Variants in RERE observed in about 807,000 individuals in gnomAD.
The protein encoded by RERE is arginine-glutamic acid dipeptide repeats protein.
Under a neutral mutation model 146.1 loss-of-function variants are expected in RERE, and 40 were observed. The observed-to-expected ratio is 0.27, with a 90% confidence interval of 0.21 to 0.36. The LOEUF is 0.36. Among genes scored for constraint, RERE ranks in the 10% least tolerant of loss-of-function variants. The pLI is 1.00. For missense variants in RERE, 1,933 were observed against 2,138.7 expected, an observed-to-expected ratio of 0.90 and a Z score of 1.90; for synonymous variants, 1,003 against 866.0, an observed-to-expected ratio of 1.16 and a Z score of -2.78.
chr1:8,744,458 C>A (rs1640379548), intron 1 of RERE, among the ~76,000 whole-genome samples: 1 of 152,178 alleles, frequency 6.6e-6, no homozygotes, highest in African/African-American at 2.4e-5. Context: ...TTCACAAACA[C>A]TGTATTAGCT....
chr1:8,545,982 CTTTT>C (rs3050828), intron 6 of RERE, among the ~76,000 whole-genome samples: 758 of 69,456 alleles, frequency 0.011, 5 homozygotes, highest in African/African-American at 0.044. Context: ...CATACCCAGT[CTTTT>C]TTTTTTTTTT....
chr1:8,542,591 G>T (rs577411771), intron 6 of RERE, among the ~76,000 whole-genome samples: 1 of 152,166 alleles, frequency 6.6e-6, no homozygotes, highest in Admixed American at 6.5e-5. Flanking sequence ...GGGAGGCTAC[G>T]ACAGGAGGAT....
chr1:8,608,796 A>C (rs1345122306), intron 4 of RERE, among the ~76,000 whole-genome samples: 1 of 152,228 alleles, frequency 6.6e-6, no homozygotes, highest in Non-Finnish European at 1.5e-5. Flanking sequence ...CAGTCTTAAG[A>C]ATAAATTGAC....
intron 11 of RERE, among the ~76,000 whole-genome samples, chr1:8,433,548 CA>C (rs1245184659): frequency 2.2e-5 from 3 of 136,298 alleles, no homozygotes; most frequent in African/African-American, 8.5e-5. Context: ...ACAGTCCATT[CA>C]TTTCTTTTTT....
chr1:8,795,751 G>A (rs1641457629), intron 1 of RERE, among the ~76,000 whole-genome samples: 3 of 152,248 alleles, frequency 2.0e-5, no homozygotes, highest in East Asian at 1.9e-4. Flanking sequence ...GGGAGGCCAA[G>A]GCCGGCAGAT....
intron 1 of RERE, among the ~76,000 whole-genome samples, chr1:8,766,196 A>G (rs968028223): frequency 8.2e-4 from 125 of 152,332 alleles, no homozygotes; most frequent in African/African-American, 3.0e-3. Flanking sequence ...TTTGTTAGAA[A>G]TTAGAGGATT....
In RERE at chr1:8,359,825, TTCTCCC is replaced by T. The variant is rs751727155; in HGVS notation, c.3551_3556del (p.Arg1184_Lys1186delinsGln). 5 of 1,607,882 alleles carry T rather than the reference TTCTCCC, an allele frequency of 3.1e-6. No individual in the cohort carries two copies. The South Asian group carries it at 3.3e-5, about 11-fold the overall frequency. ...CCGCTCCCGCTCCTTCTCCTTCTCC[TTCTCCC>T]GCTCTCGCTCCTCTCGGGCTTTCTG... On this transcript the variant is annotated inframe_deletion, in exon 19 of 23. Coordinates refer to ENST00000400908, the MANE Select transcript of RERE (RefSeq NM_001042681.2).
At chr1:8,675,637 C>T (rs564154469) in intron 1 of RERE, among the ~76,000 whole-genome samples, 83 of 152,032 alleles carry the variant, frequency 5.5e-4, no homozygotes, top group Non-Finnish European at 1.0e-3. Context: ...GAAGGAGAAT[C>T]ACTTGAACTT....
intron 1 of RERE, among the ~76,000 whole-genome samples, chr1:8,814,063 A>G (rs1641865447): frequency 6.6e-6 from 1 of 152,234 alleles, no homozygotes. Flanking sequence ...ACACTGATGG[A>G]GAATATATTG....
intron 1 of RERE, among the ~76,000 whole-genome samples, chr1:8,718,647 T>G (rs540220476): frequency 1.4e-4 from 22 of 152,340 alleles, no homozygotes; most frequent in African/African-American, 5.1e-4. Context: ...GGCAGCAACA[T>G]TTCATCCTTA....
chr1:8,805,129 C>G (rs1641665066), intron 1 of RERE, among the ~76,000 whole-genome samples: 1 of 150,426 alleles, frequency 6.6e-6, no homozygotes, highest in Non-Finnish European at 1.5e-5. Context: ...TCCCGGATCC[C>G]GAGTAGCTAG....
At chr1:8,365,775 C>G (rs1470226833) in intron 13 of RERE, 37 bp downstream of exon 13, 3 of 1,608,012 alleles carry the variant, frequency 1.9e-6, no homozygotes, top group Non-Finnish European at 2.6e-6. Context: ...TGAACAGTCT[C>G]CCCTCCGCCC....
intron 6 of RERE, among the ~76,000 whole-genome samples, chr1:8,551,635 T>C (rs1294626470): frequency 2.0e-5 from 3 of 152,208 alleles, no homozygotes; most frequent in Non-Finnish European, 2.9e-5. Context: ...AGAAATTCAA[T>C]GAGCTATGGA....
chr1:8,650,571 T>A (rs1647561880), intron 2 of RERE, among the ~76,000 whole-genome samples: 3 of 152,126 alleles, frequency 2.0e-5, no homozygotes. Flanking sequence ...GAGACCAGCC[T>A]AGCCAATGTG....
At chr1:8,710,291 C>T (rs12085021) in intron 1 of RERE, among the ~76,000 whole-genome samples, 1,987 of 152,274 alleles carry the variant, frequency 0.013, 40 homozygotes, top group African/African-American at 0.044. Flanking sequence ...ACGTAATATA[C>T]TCTTGAATAT....
At chr1:8,710,035 G>C (rs1639636002) in intron 1 of RERE, among the ~76,000 whole-genome samples, 1 of 152,158 alleles carries the variant, frequency 6.6e-6, no homozygotes, top group South Asian at 2.1e-4. Context: ...AATACAAGTA[G>C]TCCCTGTCAA....
intron 12 of RERE, among the ~76,000 whole-genome samples, chr1:8,388,204 T>C (rs939958323): frequency 5.3e-5 from 8 of 152,124 alleles, no homozygotes; most frequent in African/African-American, 9.7e-5. Context: ...TACACATATA[T>C]GAGGCAAGCC....
intron 1 of RERE, among the ~76,000 whole-genome samples, chr1:8,746,657 G>A (rs958494041): frequency 1.3e-5 from 2 of 151,764 alleles, no homozygotes; most frequent in African/African-American, 2.4e-5. Context: ...AGACTATACT[G>A]ACATACGAGT....
chr1:8,522,209 G>A (rs759472892), intron 7 of RERE, among the ~76,000 whole-genome samples: 1 of 152,182 alleles, frequency 6.6e-6, no homozygotes, highest in Non-Finnish European at 1.5e-5. Flanking sequence ...AATTATCTGT[G>A]CTTATTTAGG....
Sources: gnomAD v4.1 joint callset for allele counts (sites outside exome capture counted in the v4.1 genomes callset) on GRCh38, gnomAD v4.1.1 for gene constraint, MANE v1.5 for transcripts, NCBI Gene and HGNC (gene_info 2026-07-23, HGNC 2026-07-21) for gene names.